Variants in QRSL1 observed in about 807,000 individuals in gnomAD.
The protein encoded by QRSL1 is glutamyl-tRNA(Gln) amidotransferase subunit A, mitochondrial.
A neutral mutation model predicts 61.6 loss-of-function variants in QRSL1; 54 were observed. The ratio of observed to expected loss-of-function variants is 0.88; its 90% CI spans 0.70 to 1.10. The LOEUF (loss-of-function observed/expected upper bound fraction) is 1.10, where lower values mean the gene tolerates loss of function less well. Ranked by LOEUF, QRSL1 falls within the 50% of genes least tolerant of loss-of-function variation. QRSL1 has a pLI of 0.00. For synonymous variants in QRSL1, 228 were observed against 225.7 expected (o/e 1.01, Z -0.09); for missense variants, 505 against 622.6 (o/e 0.81, Z 2.01).
Position 106,665,815 on chromosome 6 carries a change from C to T in QRSL1, c.1400C>T (p.Ser467Leu). The T allele has an allele frequency of 1.2e-6, 2 of 1,613,956 alleles. No homozygotes were observed. The highest frequency in any genetic ancestry group is 1.7e-6 in the Non-Finnish European group (2 of 1,179,852). The change falls in exon 11 of 11, where the codon TCA becomes TTA. Residue 467 changes from serine to leucine, a missense_variant. Transcript: ENST00000369046. ...GCAGTGAGTATCCCTGTTGCACTCTCAAACCAAGGGTTGCCAATAGGACTG... is the reference window on the plus strand; with the variant it reads ...GCAGTGAGTATCCCTGTTGCACTCTTAAACCAAGGGTTGCCAATAGGACTG... ...LPAVSIPVAL[S>L]NQGLPIGLQF... is the part of the protein sequence containing the mutation.
At chr6:106,633,565 G>T (rs1776870786) in intron 1 of QRSL1, among the ~76,000 whole-genome samples, 1 of 152,104 alleles carries the variant, frequency 6.6e-6, no homozygotes, top group Non-Finnish European at 1.5e-5. Context: ...CAAAAAGGAG[G>T]TAAAATGCCA....
intron 3 of QRSL1, chr6:106,642,466 A>C (rs1015561791): frequency 1.5e-6 from 1 of 654,332 alleles, no homozygotes; most frequent in Non-Finnish European, 2.8e-6. Context: ...CAAAATGATG[A>C]ACACAAAGGG....
chr6:106,643,820 T>C (rs921815839), intron 4 of QRSL1, among the ~76,000 whole-genome samples: 3 of 152,204 alleles, frequency 2.0e-5, no homozygotes, highest in African/African-American at 4.8e-5. Context: ...GTAAAAGTTC[T>C]TAATTTTGAT....
At chr6:106,641,000 A>G (rs1241312807) in intron 3 of QRSL1, 79 bp downstream of exon 3, 1 of 946,058 alleles carries the variant, frequency 1.1e-6, no homozygotes, top group Non-Finnish European at 1.7e-6. Flanking sequence ...AAGTACCAAG[A>G]TAATCTCAGA....
intron 4 of QRSL1, among the ~76,000 whole-genome samples, chr6:106,648,117 G>A (rs1432003128): frequency 6.6e-6 from 1 of 151,416 alleles, no homozygotes; most frequent in African/African-American, 2.4e-5. Context: ...CCAACGTGGT[G>A]AAACCCCGTC....
intron 5 of QRSL1, among the ~76,000 whole-genome samples, chr6:106,650,679 G>C (rs1381620039): frequency 6.6e-6 from 1 of 152,118 alleles, no homozygotes; most frequent in East Asian, 1.9e-4. Flanking sequence ...AAATAACCAA[G>C]ATAAATTGTT....
chr6:106,634,885 G>A (rs75088448), intron 1 of QRSL1, among the ~76,000 whole-genome samples: 2,894 of 152,186 alleles, frequency 0.019, 75 homozygotes, highest in African/African-American at 0.067. Context: ...TGGGGTTTGA[G>A]GAAAAGAGAA....
chr6:106,660,336 C>G (rs541542284), intron 9 of QRSL1, among the ~76,000 whole-genome samples: 34 of 151,730 alleles, frequency 2.2e-4, no homozygotes, highest in Non-Finnish European at 4.3e-4. Flanking sequence ...CCCCACCCCC[C>G]CCGTGAAGCT....
intron 1 of QRSL1, among the ~76,000 whole-genome samples, chr6:106,639,752 T>C (rs1254498774): frequency 6.6e-6 from 1 of 152,194 alleles, no homozygotes; most frequent in Non-Finnish European, 1.5e-5. Context: ...GGTGCAGTTT[T>C]TTTTTAACTC....
chr6:106,665,833 T>C lies in QRSL1; in HGVS notation c.1418T>C (p.Ile473Thr), dbSNP rs1235682851. 3 of 1,613,956 alleles carry C rather than the reference T, an allele frequency of 1.9e-6. No individual in the cohort carries two copies. In the Admixed American group the frequency reaches 5.0e-5, roughly 27 times the overall value. ...PVALSNQGLP[I>T]GLQFIGRAFC... ...GCACTCTCAAACCAAGGGTTGCCAATAGGACTGCAGTTTATTGGACGTGCG... is the reference window on the plus strand; with the variant it reads ...GCACTCTCAAACCAAGGGTTGCCAACAGGACTGCAGTTTATTGGACGTGCG... The change falls in exon 11 of 11, where the codon ATA (isoleucine) becomes ACA (threonine). Residue 473 changes from isoleucine to threonine, a missense_variant. Physicochemically the swap from Ile to Thr is moderately conservative, Grantham distance 89. Coordinates refer to ENST00000369046, the MANE Select transcript of QRSL1 (RefSeq NM_018292.5).
chr6:106,638,581 G>C (rs1299164103), intron 1 of QRSL1, among the ~76,000 whole-genome samples: 4 of 152,326 alleles, frequency 2.6e-5, no homozygotes, highest in Non-Finnish European at 2.9e-5. Context: ...TGGGATTACA[G>C]GCGCGAACCA....
intron 3 of QRSL1, chr6:106,642,564 G>A (rs1777038391): frequency 4.1e-6 from 3 of 734,002 alleles, no homozygotes; most frequent in South Asian, 1.4e-5. Flanking sequence ...TATAAGAAAG[G>A]TGATGTGGAC....
chr6:106,638,305 C>CTT (rs34700933), intron 1 of QRSL1, among the ~76,000 whole-genome samples: 16 of 151,192 alleles, frequency 1.1e-4, no homozygotes, highest in African/African-American at 2.2e-4. Context: ...GTTTACATTT[C>CTT]TTTTTTTTTC....
At chr6:106,657,768 C>A (rs148045715) in intron 9 of QRSL1, among the ~76,000 whole-genome samples, 3 of 152,116 alleles carry the variant, frequency 2.0e-5, no homozygotes, top group Non-Finnish European at 4.4e-5. Flanking sequence ...TGCAATGGCA[C>A]GATCTCAGCT....
chr6:106,635,664 G>A (rs1411988026), intron 1 of QRSL1, among the ~76,000 whole-genome samples: 1 of 152,104 alleles, frequency 6.6e-6, no homozygotes, highest in Admixed American at 6.5e-5. Flanking sequence ...CACGAGGTCA[G>A]GAGTTCAAGA....
intron 1 of QRSL1, among the ~76,000 whole-genome samples, chr6:106,637,966 C>G (rs1776949825): frequency 6.6e-6 from 1 of 152,128 alleles, no homozygotes; most frequent in South Asian, 2.1e-4. Flanking sequence ...ATATCCTAGA[C>G]AATCTTATTT....
rs1273269478 is a variant in QRSL1 at position 106,668,156 on chromosome 6, A to G, written c.*2154A>G. Reference sequence around the variant, plus strand: ...TATTCAGTATTCAATATTATTTCAAATAATATTAAATCTCTTGTTCCTGTA... The same window carrying G: ...TATTCAGTATTCAATATTATTTCAAGTAATATTAAATCTCTTGTTCCTGTA... On this transcript the variant is annotated 3_prime_UTR_variant, in exon 11 of 11. Transcript: ENST00000369046. The G allele has an allele frequency of 6.6e-6, 1 of 152,156 alleles. No individual in the cohort carries two copies. The highest frequency in any genetic ancestry group is 2.4e-5 in the African/African-American group (1 of 41,426). 9.4% of individuals were successfully genotyped at this position (152,156 alleles called of 1,614,324 possible). A position where few individuals can be genotyped will look rare whatever the true frequency, so the allele number is the denominator to read the frequency against.
intron 1 of QRSL1, 187 bp from the exon 2 acceptor site, chr6:106,640,162 A>G: frequency 2.0e-6 from 1 of 495,702 alleles, no homozygotes; most frequent in South Asian, 3.1e-5. Context: ...CCTGTCCTCA[A>G]GCTGATCAGT....
chr6:106,640,287 C>A, intron 1 of QRSL1, 62 bp from the exon 2 acceptor site: 1 of 1,449,892 alleles, frequency 6.9e-7, no homozygotes, highest in Non-Finnish European at 9.6e-7. Context: ...CCACCCCCAC[C>A]AATATAACAA....
Sources: allele counts gnomAD v4.1 joint callset (sites outside exome capture counted in the v4.1 genomes callset), GRCh38; gene constraint gnomAD v4.1.1; transcripts MANE v1.5; gene names NCBI Gene and HGNC (gene_info 2026-07-23, HGNC 2026-07-21).